WDR25: variants seen among roughly 807,000 people sequenced by gnomAD.
WDR25 encodes WD repeat domain 25.
WDR25 carries 35 observed loss-of-function variants against 47.7 expected under a neutral mutation model. The ratio of observed to expected loss-of-function variants is 0.73; its 90% CI spans 0.56 to 0.97. The LOEUF (loss-of-function observed/expected upper bound fraction) is 0.97, where lower values mean the gene tolerates loss of function less well. Among genes scored for constraint, WDR25 ranks in the 50% least tolerant of loss-of-function variants. WDR25 has a pLI of 0.00. For missense variants in WDR25, 634 were observed against 704.7 expected, an observed-to-expected ratio of 0.90 and a Z score of 1.14; for synonymous variants, 248 against 278.9, an observed-to-expected ratio of 0.89 and a Z score of 1.10.
chr14:100,464,614 A>C, intron 2 of WDR25, among the ~76,000 whole-genome samples: 1 of 150,526 alleles, frequency 6.6e-6, no homozygotes, highest in Non-Finnish European at 1.5e-5. Context: ...CCCTCTCCTC[A>C]TCTCCCACAC....
At chr14:100,402,128 C>T (rs1897397825) in intron 2 of WDR25, among the ~76,000 whole-genome samples, 2 of 152,180 alleles carry the variant, frequency 1.3e-5, no homozygotes, top group South Asian at 4.1e-4. Context: ...CTTGACAATT[C>T]AGGTGAATTA....
rs541430113 is a variant in WDR25 at position 100,424,955 on chromosome 14, A to G, written c.823-43066A>G. 6.6e-6 allele frequency among the ~76,000 whole-genome samples: 1 copy of G among 152,210 alleles called. No individual in the cohort carries two copies. The highest frequency in any genetic ancestry group is 2.4e-5 in the African/African-American group (1 of 41,522). The stretch of plus-strand genomic sequence containing the variant: ...TTGGTGGCTCAGGCCTGTCAGTCAC[A>G]CAGCTCGTGGCTTCCCCATGAAGCA... On this transcript the variant is annotated intron_variant, in intron 2 of 6. Coordinates refer to ENST00000402312, the MANE Select transcript of WDR25 (RefSeq NM_001161476.3). The surrounding 1 kb of genome is among the most constrained non-coding windows in gnomAD (Gnocchi z 4.2).
chr14:100,450,679 G>A (rs1227427530), intron 2 of WDR25, among the ~76,000 whole-genome samples: 1 of 152,210 alleles, frequency 6.6e-6, no homozygotes. Flanking sequence ...AATGTGGAAA[G>A]TGATGCACAA....
chr14:100,495,751 A>C (rs1231463723), intron 4 of WDR25, among the ~76,000 whole-genome samples: 3 of 152,204 alleles, frequency 2.0e-5, no homozygotes, highest in Non-Finnish European at 4.4e-5. Flanking sequence ...TTGCTAGGAC[A>C]GAGTTTTGAT....
chr14:100,420,786 A>T (rs1595521432), intron 2 of WDR25, among the ~76,000 whole-genome samples: 2 of 152,194 alleles, frequency 1.3e-5, no homozygotes, highest in Non-Finnish European at 2.9e-5. Context: ...GAGTGGCTTC[A>T]ACAGGTGGAG....
At chr14:100,398,972 CAGA>C (rs1897317904) in intron 2 of WDR25, among the ~76,000 whole-genome samples, 1 of 151,334 alleles carries the variant, frequency 6.6e-6, no homozygotes. Context: ...ACAAGACAAG[CAGA>C]AGATTTGCAC....
chr14:100,461,763 G>T (rs1899421782), intron 2 of WDR25, among the ~76,000 whole-genome samples: 1 of 152,144 alleles, frequency 6.6e-6, no homozygotes, highest in Non-Finnish European at 1.5e-5. Context: ...GTGGGATGAG[G>T]CCAGGAGCCA....
At chr14:100,434,681 G>C (rs1489314488) in intron 2 of WDR25, among the ~76,000 whole-genome samples, 1 of 152,108 alleles carries the variant, frequency 6.6e-6, no homozygotes, top group Non-Finnish European at 1.5e-5. Flanking sequence ...CCAAAAGGCA[G>C]GTCTGTACAA....
In WDR25 at chr14:100,407,869, G is replaced by C. The variant is rs1897589999; in HGVS notation, c.822+26123G>C. 6.9e-6 allele frequency among the ~76,000 whole-genome samples: 1 copy of C among 143,918 alleles called. No individual in the cohort carries two copies. The highest frequency in any genetic ancestry group is 2.9e-5 in the African/African-American group (1 of 34,232). The allele number at this position is 143,918 out of a possible 152,430, so 94.4% of individuals were successfully genotyped here. A position where few individuals can be genotyped will look rare whatever the true frequency, so the allele number is the denominator to read the frequency against. ...CCTCTCACGTGTATTGTCTGTGAGTGTGCTGGGCTCCCAGACACATATGTC... is the reference window on the plus strand; with the variant it reads ...CCTCTCACGTGTATTGTCTGTGAGTCTGCTGGGCTCCCAGACACATATGTC... On this transcript the variant is annotated intron_variant, in intron 2 of 6. Coordinates refer to ENST00000402312, the MANE Select transcript of WDR25 (RefSeq NM_001161476.3). The surrounding 1 kb of genome is among the most constrained non-coding windows in gnomAD (Gnocchi z 4.1).
At chr14:100,426,537 AT>A (rs1183466936) in intron 2 of WDR25, among the ~76,000 whole-genome samples, 4 of 152,224 alleles carry the variant, frequency 2.6e-5, no homozygotes, top group African/African-American at 9.6e-5. Context: ...CCCAGCCCAC[AT>A]TTGTCAAGTG....
intron 1 of WDR25, among the ~76,000 whole-genome samples, chr14:100,380,341 C>T (rs1167581663): frequency 6.6e-6 from 1 of 152,118 alleles, no homozygotes; most frequent in Non-Finnish European, 1.5e-5. Context: ...AACCACTGCA[C>T]CCAGACTTAC....
intron 2 of WDR25, among the ~76,000 whole-genome samples, chr14:100,446,550 C>CAAAAAA (rs55946078): frequency 1.3e-5 from 1 of 75,006 alleles, no homozygotes. Context: ...GACTCCATCT[C>CAAAAAA]AAAAAAAAAA....
intron 4 of WDR25, among the ~76,000 whole-genome samples, chr14:100,501,011 A>G (rs1900903216): frequency 1.3e-5 from 2 of 152,196 alleles, no homozygotes; most frequent in African/African-American, 2.4e-5. Context: ...ATTAGATTCA[A>G]TTCAAATTCA....
chr14:100,457,747 G>A (rs972783770), intron 2 of WDR25, among the ~76,000 whole-genome samples: 5 of 152,188 alleles, frequency 3.3e-5, no homozygotes, highest in Non-Finnish European at 7.3e-5. Context: ...TGTGCCGTTT[G>A]TAACATATGT....
rs183968276 is a variant in WDR25 at position 100,386,756 on chromosome 14, G to A, written c.822+5010G>A. Among the ~76,000 whole-genome samples the A allele has an allele frequency of 2.0e-4, 30 of 152,244 alleles. No individual in the cohort carries two copies. The East Asian group carries it at 4.3e-3, about 22-fold the overall frequency. On this transcript the variant is annotated intron_variant, in intron 2 of 6. Coordinates refer to ENST00000402312, the MANE Select transcript of WDR25 (RefSeq NM_001161476.3). ...AAAATACAAAAAATTAGCCGGGCGC[G>A]GTGGTGGGCGGCTGTAGTCCCAGCT... is the stretch of plus-strand genomic sequence containing the variant.
At chr14:100,519,733 T>G (rs1491002131) in intron 4 of WDR25, among the ~76,000 whole-genome samples, 6 of 128,498 alleles carry the variant, frequency 4.7e-5, no homozygotes, top group Non-Finnish European at 9.1e-5. Flanking sequence ...CTATATATAG[T>G]GTATATATAG....
chr14:100,517,439 A>G (rs1300218675), intron 4 of WDR25, among the ~76,000 whole-genome samples: 10 of 152,000 alleles, frequency 6.6e-5, no homozygotes, highest in Non-Finnish European at 4.4e-5. Flanking sequence ...CTTTTTGGTT[A>G]TGTCTCTTTG....
At chr14:100,431,857 C>T (rs2140232631) in intron 2 of WDR25, among the ~76,000 whole-genome samples, 1 of 152,116 alleles carries the variant, frequency 6.6e-6, no homozygotes, top group Non-Finnish European at 1.5e-5. Flanking sequence ...TTACAGGTGC[C>T]CGCCACCAAG....
chr14:100,421,463 C>T (rs1249864478), intron 2 of WDR25, among the ~76,000 whole-genome samples: 1 of 152,144 alleles, frequency 6.6e-6, no homozygotes, highest in Non-Finnish European at 1.5e-5. Context: ...ACACTGTTAC[C>T]CTTGTGTCAA....
Sources: allele counts gnomAD v4.1 joint callset (sites outside exome capture counted in the v4.1 genomes callset), GRCh38; gene constraint gnomAD v4.1.1; non-coding constraint Gnocchi (gnomAD v3.1); transcripts MANE v1.5; gene names NCBI Gene and HGNC (gene_info 2026-07-23, HGNC 2026-07-21).